Variants in CACNG8 observed in about 807,000 individuals in gnomAD.
CACNG8 encodes calcium voltage-gated channel auxiliary subunit gamma 8, also known as voltage-dependent calcium channel gamma-8 subunit.
Under a neutral mutation model 26.9 loss-of-function variants are expected in CACNG8, and 5 were observed. That is an observed-to-expected ratio of 0.19 (90% confidence interval 0.10 to 0.39). The LOEUF is 0.39. CACNG8 is among the 10% of genes least tolerant of loss of function. The pLI, the probability that CACNG8 is intolerant of heterozygous loss-of-function variation, is 1.00. For missense variants in CACNG8, 473 were observed against 609.4 expected (o/e 0.78, Z 2.36); for synonymous variants, 321 against 296.7 (o/e 1.08, Z -0.84).
In CACNG8 at chr19:53,986,112, A is replaced by T. The variant is rs1301575546; in HGVS notation, c.*3263A>T. 6.6e-6 allele frequency: 1 copy of T among 152,640 alleles called. No individual in the cohort carries two copies. The highest frequency in any genetic ancestry group is 1.5e-5 in the Non-Finnish European group (1 of 68,260). 9.5% of individuals were successfully genotyped at this position (152,640 alleles called of 1,614,324 possible). A position where few individuals can be genotyped will look rare whatever the true frequency, so the allele number is the denominator to read the frequency against. ...GAGAGAAGAGGAAGAGGAGAGACTG[A>T]CAGGTGCACAAATCAGAGAAGTCCC... On this transcript the variant is annotated 3_prime_UTR_variant, in exon 4 of 4. Transcript: ENST00000270458.
At chr19:53,966,007 G>A (rs994122522) in intron 1 of CACNG8, among the ~76,000 whole-genome samples, 5 of 152,070 alleles carry the variant, frequency 3.3e-5, no homozygotes, top group African/African-American at 7.2e-5. Context: ...AGTGGGTGGC[G>A]GAGAACGTAG....
chr19:53,982,744 C>T lies in CACNG8; in HGVS notation c.1173C>T (p.Pro391=), dbSNP rs1241695111. Residue 391 remains proline, a synonymous_variant, in exon 4 of 4, where the codon CCC becomes CCT. Transcript: ENST00000270458. This position sits in a 1 kb window ranked among gnomAD's most constrained non-coding sequence, Gnocchi z 8.4. Reference sequence around the variant, plus strand: ...CGGTCACCGGGCCGCCCGCCCCGCCCGCGCCCGCGCCACCCGCGCCCTCTG... The same window carrying T: ...CGGTCACCGGGCCGCCCGCCCCGCCTGCGCCCGCGCCACCCGCGCCCTCTG... 1 of 1,200,422 alleles carries T rather than the reference C, an allele frequency of 8.3e-7. No homozygotes were observed. The highest frequency in any genetic ancestry group is 1.0e-6 in the Non-Finnish European group (1 of 973,112). 74.4% of individuals were successfully genotyped at this position (1,200,422 alleles called of 1,614,324 possible).
Position 53,982,106 on chromosome 19 carries a change from G to A in CACNG8, c.535G>A (p.Val179Met). 2 of 1,601,748 alleles carry A rather than the reference G, an allele frequency of 1.2e-6. No individual in the cohort carries two copies. The highest frequency in any genetic ancestry group is 1.1e-5 in the South Asian group (1 of 89,374). The change falls in exon 4 of 4, where the codon GTG becomes ATG. Residue 179 changes from valine (V) to methionine (M), a missense_variant. Physicochemically the swap from Val to Met is conservative, Grantham distance 21. Coordinates refer to ENST00000270458, the MANE Select transcript of CACNG8 (RefSeq NM_031895.6). This position sits in a 1 kb window ranked among gnomAD's most constrained non-coding sequence, Gnocchi z 8.4. ...CCTGAGCAACATCATCGGCGTGATC[G>A]TGTACATCTCCGCCAACGCGGGCGA...
At chr19:53,968,584 A>G (rs1310555828) in intron 1 of CACNG8, among the ~76,000 whole-genome samples, 1 of 151,558 alleles carries the variant, frequency 6.6e-6, no homozygotes, top group African/African-American at 2.4e-5. Context: ...CCTGACCAAC[A>G]TGGTGAAACC....
At chr19:53,978,261 T>G (rs1600033696) in intron 2 of CACNG8, 32 bp downstream of exon 2, 1 of 1,572,532 alleles carries the variant, frequency 6.4e-7, no homozygotes, top group Non-Finnish European at 8.7e-7. Context: ...ACGTGGGGAG[T>G]GGGTCAAATC....
rs1269228512 is a variant in CACNG8 at position 53,989,501 on chromosome 19, T to C, written c.*6652T>C. On this transcript the variant is annotated 3_prime_UTR_variant, in exon 4 of 4. Coordinates refer to ENST00000270458, the MANE Select transcript of CACNG8 (RefSeq NM_031895.6). Reference sequence around the variant, plus strand: ...AAGCACAGCATCAAGGAATGATCAATAAAAAGAAAAAAAAATATTTCCTGA... The same window carrying C: ...AAGCACAGCATCAAGGAATGATCAACAAAAAGAAAAAAAAATATTTCCTGA... 6.6e-6 allele frequency: 1 copy of C among 151,456 alleles called. No individual in the cohort carries two copies. The highest frequency in any genetic ancestry group is 2.4e-5 in the African/African-American group (1 of 41,066). 9.4% of individuals were successfully genotyped at this position (151,456 alleles called of 1,614,324 possible). A position where few individuals can be genotyped will look rare whatever the true frequency, so the allele number is the denominator to read the frequency against.
chr19:53,970,294 G>A (rs879415372), intron 1 of CACNG8, among the ~76,000 whole-genome samples: 4 of 135,202 alleles, frequency 3.0e-5, no homozygotes, highest in Non-Finnish European at 6.4e-5. Flanking sequence ...ACAGCCTGGG[G>A]AACAGAGTGA....
chr19:53,982,023 G>A lies in CACNG8; in HGVS notation c.509-57G>A. ...GCAGGCGGGCAGGGGTCGGGGCCGG[G>A]GGCGGGGGCGGGGCCGGGGGTGGCC... On this transcript the variant is annotated intron_variant, in intron 3 of 3. Coordinates refer to ENST00000270458, the MANE Select transcript of CACNG8 (RefSeq NM_031895.6). The surrounding 1 kb of genome is among the most constrained non-coding windows in gnomAD (Gnocchi z 8.4). 1.3e-6 allele frequency: 2 copies of A among 1,500,766 alleles called. No individual in the cohort carries two copies. Among genetic ancestry groups the A allele is most frequent in the Non-Finnish European group, 1.8e-6 (2 of 1,130,444 alleles). 93.0% of individuals were successfully genotyped at this position (1,500,766 alleles called of 1,614,324 possible). A position where few individuals can be genotyped will look rare whatever the true frequency, so the allele number is the denominator to read the frequency against.
rs1481569059 is a variant in CACNG8, at chr19:53,969,953, G to A, written c.283+6528G>A. Among the ~76,000 whole-genome samples the A allele has an allele frequency of 2.0e-5, 3 of 151,164 alleles. No individual in the cohort carries two copies. The South Asian group carries it at 6.2e-4, about 31-fold the overall frequency. ...TCGAGACCAGCCTGGTCAACATGGC[G>A]AAACCCTGTCTCTACTAAATATACA... On this transcript the variant is annotated intron_variant, in intron 1 of 3. Coordinates refer to ENST00000270458, the MANE Select transcript of CACNG8 (RefSeq NM_031895.6).
At chr19:53,970,286 A>G (rs551978555) in intron 1 of CACNG8, among the ~76,000 whole-genome samples, 3 of 151,926 alleles carry the variant, frequency 2.0e-5, no homozygotes, top group African/African-American at 7.2e-5. Flanking sequence ...ACCGCACTAC[A>G]GCCTGGGGAA....
chr19:53,979,966 G>A lies in CACNG8; in HGVS notation c.467G>A (p.Arg156Lys), dbSNP rs760258207. 4 of 1,612,862 alleles carry A rather than the reference G, an allele frequency of 2.5e-6. No individual in the cohort carries two copies. The South Asian group carries it at 3.3e-5, about 13-fold the overall frequency. ...GCCTCCCGCGTCTACAAGTCCAAGAGGAACATCATTCTGGGCGCAGGGATC... is the reference window on the plus strand; with the variant it reads ...GCCTCCCGCGTCTACAAGTCCAAGAAGAACATCATTCTGGGCGCAGGGATC... The change falls in exon 3 of 4, where the codon AGG becomes AAG. Residue 156 changes from arginine (R) to lysine (K), a missense_variant. This residue lies in a region of CACNG8 where 155 missense variants were observed against 253.0 expected (regional missense o/e 0.61). Transcript: ENST00000270458.
intron 1 of CACNG8, among the ~76,000 whole-genome samples, chr19:53,975,009 C>T (rs2069322921): frequency 6.6e-6 from 1 of 151,382 alleles, no homozygotes; most frequent in Non-Finnish European, 1.5e-5. Flanking sequence ...AGTGCAGTGG[C>T]GCTATCTTGG....
rs553445731 is a variant in CACNG8 at position 53,963,066 on chromosome 19, C to T, written c.-77C>T. 69 of 904,778 alleles carry T rather than the reference C, an allele frequency of 7.6e-5. No individual in the cohort carries two copies. The highest frequency in any genetic ancestry group is 3.3e-4 in the East Asian group (10 of 29,898). 56.0% of individuals were successfully genotyped at this position (904,778 alleles called of 1,614,324 possible). A position where few individuals can be genotyped will look rare whatever the true frequency, so the allele number is the denominator to read the frequency against. On this transcript the variant is annotated 5_prime_UTR_variant, in exon 1 of 4. Coordinates refer to ENST00000270458, the MANE Select transcript of CACNG8 (RefSeq NM_031895.6). Reference sequence around the variant, plus strand: ...CCCGCTTCTGCCTGCGCTGTGAACCCCCCCCCAGCCGCCGGCACGGCCCCG... The same window carrying T: ...CCCGCTTCTGCCTGCGCTGTGAACCTCCCCCCAGCCGCCGGCACGGCCCCG...
At position 53,982,453 on chromosome 19, in the gene CACNG8, C is replaced by T. The variant is rs1177146030; in HGVS notation, c.882C>T (p.Pro294=). 3.3e-6 allele frequency: 5 copies of T among 1,516,496 alleles called. No homozygotes were observed. Among genetic ancestry groups the T allele is most frequent in the East Asian group, 2.6e-5 (1 of 38,264 alleles). The allele number at this position is 1,516,496 out of a possible 1,614,324, so 93.9% of individuals were successfully genotyped here. A position where few individuals can be genotyped will look rare whatever the true frequency, so the allele number is the denominator to read the frequency against. Residue 294 remains proline (P), a synonymous_variant, in exon 4 of 4, where the codon CCC becomes CCT. Transcript: ENST00000270458. This position sits in a 1 kb window ranked among gnomAD's most constrained non-coding sequence, Gnocchi z 8.4. ...CGCGGGACGCGTCTCCCGGCGGCCC[C>T]GGGGGCCCGGGCTTTGCCTCCACGG...
At position 53,985,825 on chromosome 19, in the gene CACNG8, G is replaced by A. The variant is rs2069403811; in HGVS notation, c.*2976G>A. 1 of 132,472 alleles carries A rather than the reference G, an allele frequency of 7.5e-6. No homozygotes were observed. The highest frequency in any genetic ancestry group is 1.6e-5 in the Non-Finnish European group (1 of 63,946). 8.2% of individuals were successfully genotyped at this position (132,472 alleles called of 1,614,324 possible). On this transcript the variant is annotated 3_prime_UTR_variant, in exon 4 of 4. Coordinates refer to ENST00000270458, the MANE Select transcript of CACNG8 (RefSeq NM_031895.6). Reference sequence around the variant, plus strand: ...CGCTCCAGCCTGGGCGAAAGAGCGAGACTCTGTCTCAAAAAAAAAAAAAAA... The same window carrying A: ...CGCTCCAGCCTGGGCGAAAGAGCGAAACTCTGTCTCAAAAAAAAAAAAAAA...
Position 53,978,188 on chromosome 19 carries a change from A to T in CACNG8, c.326A>T (p.Glu109Val). Residue 109 changes from glutamate (E) to valine (V), a missense_variant, in exon 2 of 4, where the codon GAG becomes GTG. Coordinates refer to ENST00000270458, the MANE Select transcript of CACNG8 (RefSeq NM_031895.6). The stretch of plus-strand genomic sequence containing the variant: ...TGCGTGAAGATCAATCATTTCCCGG[A>T]GGACACGGACTACGACCACGACAGC... 6.2e-7 allele frequency: 1 copy of T among 1,613,072 alleles called. No homozygotes were observed. Among genetic ancestry groups the T allele is most frequent in the Non-Finnish European group, 8.5e-7 (1 of 1,179,780 alleles).
In CACNG8 at chr19:53,982,508, C is replaced by T; in HGVS notation, c.937C>T (p.Pro313Ser). ...CTCCATGTACACGCTCAGCCGCGACCCCTCCAAGGGCAGCGTGGCCGCGGG... is the reference window on the plus strand; with the variant it reads ...CTCCATGTACACGCTCAGCCGCGACTCCTCCAAGGGCAGCGTGGCCGCGGG... The change falls in exon 4 of 4, where the codon CCC (proline) becomes TCC (serine). Residue 313 changes from proline to serine, a missense_variant. Around this residue, in one of 6 missense-constraint regions of CACNG8, gnomAD observed 212 missense variants for 214.4 expected, o/e 0.99. Transcript: ENST00000270458. This position sits in a 1 kb window ranked among gnomAD's most constrained non-coding sequence, Gnocchi z 8.4. 1 of 1,461,722 alleles carries T rather than the reference C, an allele frequency of 6.8e-7. No individual in the cohort carries two copies. The highest frequency in any genetic ancestry group is 9.0e-7 in the Non-Finnish European group (1 of 1,115,742). 90.5% of individuals were successfully genotyped at this position (1,461,722 alleles called of 1,614,324 possible).
intron 1 of CACNG8, among the ~76,000 whole-genome samples, chr19:53,974,862 G>A (rs553444388): frequency 2.6e-4 from 40 of 151,424 alleles, no homozygotes; most frequent in South Asian, 6.3e-4. Context: ...GGATGGTCTC[G>A]ATCTCTTGAC....
Position 53,982,930 on chromosome 19 carries a change from GCCCCCGCTTT to G in CACNG8, c.*88_*97del. ...CATCGAGGCTGCCGGGGTCGGGGGC[GCCCCCGCTTT>G]CCCCCGTGAGCGCGCTGGAGACTGC... On this transcript the variant is annotated 3_prime_UTR_variant, in exon 4 of 4. Coordinates refer to ENST00000270458, the MANE Select transcript of CACNG8 (RefSeq NM_031895.6). The surrounding 1 kb of genome is among the most constrained non-coding windows in gnomAD (Gnocchi z 8.4). 1 of 997,860 alleles carries G rather than the reference GCCCCCGCTTT, an allele frequency of 1.0e-6. No individual in the cohort carries two copies. The highest frequency in any genetic ancestry group is 1.3e-6 in the Non-Finnish European group (1 of 796,780). The allele number at this position is 997,860 out of a possible 1,614,324, so 61.8% of individuals were successfully genotyped here.
Sources: allele counts gnomAD v4.1 joint callset (sites outside exome capture counted in the v4.1 genomes callset), GRCh38; gene constraint gnomAD v4.1.1; regional missense constraint gnomAD v4.1.1; non-coding constraint Gnocchi (gnomAD v3.1); transcripts MANE v1.5; gene names NCBI Gene and HGNC (gene_info 2026-07-23, HGNC 2026-07-21).